MTTP: variants seen among roughly 807,000 people sequenced by gnomAD.
MTTP encodes microsomal triglyceride transfer protein, also known as microsomal triglyceride transfer protein large subunit.
In MTTP, 49 loss-of-function variants were observed where a neutral mutation model predicts 90.6. That is an observed-to-expected ratio of 0.54 (90% CI 0.43 to 0.69). The LOEUF is 0.69. MTTP is among the 30% of genes least tolerant of loss of function. The pLI is 0.00. For missense variants in MTTP, 945 were observed against 1,067.5 expected (o/e 0.89, Z 1.60); for synonymous variants, 347 against 384.2 (o/e 0.90, Z 1.13).
intron 3 of MTTP, among the ~76,000 whole-genome samples, chr4:99,588,979 A>T (rs60818636): frequency 0.021 from 28 of 1,362 alleles, 1 homozygote; most frequent in Non-Finnish European, 0.021. Context: ...ATATATATAC[A>T]CACATATATA....
chr4:99,574,728 G>A, upstream of MTTP: 1 of 1,375,354 alleles, frequency 7.3e-7, no homozygotes, highest in Non-Finnish European at 1.0e-6. Context: ...ATCATTAATA[G>A]TGAGCCCTTC....
Position 99,591,428 on chromosome 4 carries a change from T to C in MTTP, c.618+77T>C. ...AGACTAATTTAATGTAATAGAAAAATAAAGTAGAAATAGAATTTTGAAACA... is the reference window on the plus strand; with the variant it reads ...AGACTAATTTAATGTAATAGAAAAACAAAGTAGAAATAGAATTTTGAAACA... On this transcript the variant is annotated intron_variant, in intron 5 of 17. Transcript: ENST00000265517. 4.7e-6 allele frequency: 6 copies of C among 1,268,834 alleles called. No individual in the cohort carries two copies. In the South Asian group the frequency reaches 7.6e-5, roughly 16 times the overall value. 78.6% of individuals were successfully genotyped at this position (1,268,834 alleles called of 1,614,324 possible). A position where few individuals can be genotyped will look rare whatever the true frequency, so the allele number is the denominator to read the frequency against.
At chr4:99,600,805 T>C in intron 9 of MTTP, 72 bp downstream of exon 9, 2 of 1,473,588 alleles carry the variant, frequency 1.4e-6, no homozygotes, top group South Asian at 1.2e-5. Flanking sequence ...TAATTAAAAG[T>C]TTCTTAGATC....
intron 15 of MTTP, among the ~76,000 whole-genome samples, chr4:99,618,386 C>T (rs1726147755): frequency 6.6e-6 from 1 of 152,208 alleles, no homozygotes; most frequent in East Asian, 1.9e-4. Flanking sequence ...TGCCACAGCA[C>T]ATAACTAGAG....
In MTTP at chr4:99,587,691, T is replaced by C. The variant is rs933828172; in HGVS notation, c.394-1952T>C. On this transcript the variant is annotated intron_variant, in intron 3 of 17. Coordinates refer to ENST00000265517, the MANE Select transcript of MTTP (RefSeq NM_001386140.1). ...TGCTTTCTAAAGTATTTAAGGTTCA[T>C]ACCAAAAAGACATGGGCCATATAGA... 6.6e-5 allele frequency among the ~76,000 whole-genome samples: 10 copies of C among 152,242 alleles called. No homozygotes were observed. The South Asian group carries it at 1.9e-3, about 28-fold the overall frequency.
In MTTP at chr4:99,591,527, T is replaced by C. The variant is rs1725420575; in HGVS notation, c.619-124T>C. On this transcript the variant is annotated intron_variant, in intron 5 of 17. Transcript: ENST00000265517. Reference sequence around the variant, plus strand: ...GACCCATTTCAATTGTTGTAGGTGTTAGTAATGAGGGATGGGTGTAATGGG... The same window carrying C: ...GACCCATTTCAATTGTTGTAGGTGTCAGTAATGAGGGATGGGTGTAATGGG... 3 of 1,165,310 alleles carry C rather than the reference T, an allele frequency of 2.6e-6. No homozygotes were observed. In the South Asian group the frequency reaches 3.9e-5, roughly 15 times the overall value. 72.2% of individuals were successfully genotyped at this position (1,165,310 alleles called of 1,614,324 possible).
intron 12 of MTTP, among the ~76,000 whole-genome samples, chr4:99,609,867 C>T (rs1161160481): frequency 4.6e-5 from 7 of 152,260 alleles, no homozygotes; most frequent in Non-Finnish European, 7.4e-5. Flanking sequence ...TCTAGTTGAA[C>T]GCATTTAGCT....
At position 99,606,997 on chromosome 4, in the gene MTTP, G is replaced by GAA. The variant is rs375598284; in HGVS notation, c.1557+47_1557+48dup. On this transcript the variant is annotated intron_variant, in intron 11 of 17. Coordinates refer to ENST00000265517, the MANE Select transcript of MTTP (RefSeq NM_001386140.1). ...AAGAATATTTGCAACATTTACAGAA[G>GAA]AAAAAAAAAAAGCATGCTGAACATG... The GAA allele has an allele frequency of 0.056, 67,421 of 1,207,512 alleles. 502 individuals carry two copies. The highest frequency in any genetic ancestry group is 0.063 in the Non-Finnish European group (56,411 of 888,604). The allele number at this position is 1,207,512 out of a possible 1,614,324, so 74.8% of individuals were successfully genotyped here.
At chr4:99,569,429 TTAA>T (rs36069681) in intron 1 of MTTP, among the ~76,000 whole-genome samples, 12,236 of 152,002 alleles carry the variant, frequency 0.08, 844 homozygotes, top group East Asian at 0.19. Context: ...TGAATTTTAG[TTAA>T]TAATATATTA....
chr4:99,616,512 C>T (rs1323963023), intron 15 of MTTP, among the ~76,000 whole-genome samples: 2 of 152,158 alleles, frequency 1.3e-5, no homozygotes, highest in Non-Finnish European at 2.9e-5. Flanking sequence ...GATATAATGC[C>T]TACCATGGAA....
intron 15 of MTTP, among the ~76,000 whole-genome samples, chr4:99,614,797 A>G (rs1726058482): frequency 6.6e-6 from 1 of 152,200 alleles, no homozygotes; most frequent in Admixed American, 6.5e-5. Flanking sequence ...TTGGACCAAA[A>G]CGGTGTTACA....
At chr4:99,564,371 A>G (rs772355100) in intron 1 of MTTP, 1 of 850,388 alleles carries the variant, frequency 1.2e-6, no homozygotes, top group South Asian at 2.1e-5. Context: ...ATTTATACAG[A>G]AAATTACCAT....
chr4:99,610,031 A>G (rs1244338843), intron 12 of MTTP, among the ~76,000 whole-genome samples: 1 of 152,184 alleles, frequency 6.6e-6, no homozygotes, highest in African/African-American at 2.4e-5. Context: ...AATATCACCA[A>G]CATTATGGTT....
At chr4:99,617,644 A>G (rs1038286864) in intron 15 of MTTP, among the ~76,000 whole-genome samples, 6 of 152,144 alleles carry the variant, frequency 3.9e-5, no homozygotes, top group African/African-American at 1.4e-4. Context: ...CACTTCCAAC[A>G]CTGTCCCCAG....
intron 1 of MTTP, among the ~76,000 whole-genome samples, chr4:99,577,605 C>CAAAAA (rs10605949): frequency 8.3e-4 from 84 of 101,138 alleles, no homozygotes; most frequent in East Asian, 2.7e-3. Context: ...AACTCTGTTT[C>CAAAAA]AAAAAAAAAA....
intron 1 of MTTP, among the ~76,000 whole-genome samples, chr4:99,576,694 CAAAAA>C (rs10630406): frequency 1.4e-5 from 1 of 70,002 alleles, no homozygotes; most frequent in Non-Finnish European, 2.5e-5. Flanking sequence ...GACTCCGTCT[CAAAAA>C]AAAAAAAAAA....
chr4:99,602,519 G>A (rs1385737441), intron 10 of MTTP, among the ~76,000 whole-genome samples: 3 of 151,900 alleles, frequency 2.0e-5, no homozygotes, highest in African/African-American at 7.3e-5. Context: ...CTTACTAAGT[G>A]CTTGCTATTA....
chr4:99,584,512 T>C (rs1345107004), intron 3 of MTTP, among the ~76,000 whole-genome samples: 4 of 152,110 alleles, frequency 2.6e-5, no homozygotes, highest in Non-Finnish European at 5.9e-5. Flanking sequence ...TTATATGAAG[T>C]TCTAAAAAGG....
At chr4:99,580,449 C>T (rs1272197539) in intron 1 of MTTP, among the ~76,000 whole-genome samples, 1 of 151,284 alleles carries the variant, frequency 6.6e-6, no homozygotes, top group African/African-American at 2.4e-5. Flanking sequence ...GTGGCACACA[C>T]CTGTATTACT....
Sources: allele counts gnomAD v4.1 joint callset (sites outside exome capture counted in the v4.1 genomes callset), GRCh38; gene constraint gnomAD v4.1.1; transcripts MANE v1.5; gene names NCBI Gene and HGNC (gene_info 2026-07-23, HGNC 2026-07-21).